CCDC14: variants seen among roughly 807,000 people sequenced by gnomAD.
CCDC14 encodes the protein coiled-coil domain containing 14.
CCDC14 carries 71 observed loss-of-function variants against 81.4 expected under a neutral mutation model. That is an observed-to-expected ratio of 0.87 (90% CI 0.72 to 1.06). The LOEUF is 1.06. CCDC14 is among the 50% of genes least tolerant of loss of function. The pLI is 0.00. For missense variants in CCDC14, 1,046 were observed against 1,047.3 expected (o/e 1.00, Z 0.02); for synonymous variants, 332 against 364.8 (o/e 0.91, Z 1.03).
intron 5 of CCDC14, among the ~76,000 whole-genome samples, chr3:123,904,376 G>A (rs1022694000): frequency 6.6e-6 from 1 of 152,132 alleles, no homozygotes; most frequent in Non-Finnish European, 1.5e-5. Context: ...TTACAGGTGT[G>A]TGGCTAGGGT....
chr3:123,956,616 T>C, intron 2 of CCDC14, 124 bp downstream of exon 2: 1 of 794,216 alleles, frequency 1.3e-6, no homozygotes, highest in Non-Finnish European at 2.0e-6. Flanking sequence ...CATGAAAAAT[T>C]GTTCCTCAGA....
At chr3:123,894,896 T>C (rs538017358), downstream of CCDC14, among the ~76,000 whole-genome samples, 1 of 152,248 alleles carries the variant, frequency 6.6e-6, no homozygotes, top group Admixed American at 6.5e-5. Flanking sequence ...GTTTCAAGAG[T>C]TAATGGGGGC....
chr3:123,928,122 T>G (rs560248422), intron 12 of CCDC14, among the ~76,000 whole-genome samples: 1 of 152,240 alleles, frequency 6.6e-6, no homozygotes, highest in African/African-American at 2.4e-5. Flanking sequence ...ATTTTTCTTA[T>G]GTTTTTGTTA....
the CCDC14 span, among the ~76,000 whole-genome samples, chr3:123,886,437 C>T: frequency 2.0e-5 from 3 of 148,418 alleles, no homozygotes; most frequent in African/African-American, 7.4e-5. Context: ...CTCACTCTGT[C>T]ACCAGGCTAG....
Position 123,916,468 on chromosome 3 carries a change from TTGTGTGTGTGTG to T in CCDC14, c.1779-762_1779-751del, listed in dbSNP as rs71142765. 3.1e-3 allele frequency among the ~76,000 whole-genome samples: 449 copies of T among 146,176 alleles called. 2 individuals carry two copies. The highest frequency in any genetic ancestry group is 0.011 in the African/African-American group (415 of 38,932). On this transcript the variant is annotated intron_variant, in intron 12 of 12. Coordinates refer to ENST00000409697, the MANE Select transcript of CCDC14 (RefSeq NM_001366335.1). ...TTATTTCCCTTCATTATATATGTGT[TTGTGTGTGTGTG>T]TGTGTGTGTGTGTGTGTGTGTGGCA...
intron 5 of CCDC14, among the ~76,000 whole-genome samples, chr3:123,906,014 T>G (rs944185377): frequency 6.6e-6 from 1 of 152,170 alleles, no homozygotes; most frequent in African/African-American, 2.4e-5. Context: ...TAGGGATAGC[T>G]GAAAAACCAA....
At chr3:123,904,117 A>G (rs1409435012) in intron 5 of CCDC14, among the ~76,000 whole-genome samples, 1 of 152,238 alleles carries the variant, frequency 6.6e-6, no homozygotes, top group Non-Finnish European at 1.5e-5. Context: ...ATAATTCCAT[A>G]TCATGGAATA....
downstream of CCDC14, among the ~76,000 whole-genome samples, chr3:123,897,027 A>T (rs1486454107): frequency 6.6e-6 from 1 of 152,172 alleles, no homozygotes; most frequent in African/African-American, 2.4e-5. Flanking sequence ...TCCCACCTGC[A>T]TTTAAGAGGA....
In CCDC14 at chr3:123,914,965, T is replaced by C; in HGVS notation, c.2532A>G (p.Gln844=). ...CATCACAGACAGTATTGCCTTTCAC[T>C]TGAAGGCTGTTGCTAAGACAACCTG... ...GPSGCLSNSL[Q]VKGNTVCDGS... is the part of the protein sequence containing the mutation. The change falls in exon 13 of 13, where the codon CAA becomes CAG. Residue 844 remains glutamine (Q), a synonymous_variant. Transcript: ENST00000409697. The C allele has an allele frequency of 1.2e-6, 2 of 1,614,046 alleles. No individual in the cohort carries two copies. The highest frequency in any genetic ancestry group is 1.7e-6 in the Non-Finnish European group (2 of 1,179,890).
At chr3:123,921,004 T>C (rs1444052723) in intron 12 of CCDC14, among the ~76,000 whole-genome samples, 1 of 152,188 alleles carries the variant, frequency 6.6e-6, no homozygotes, top group Non-Finnish European at 1.5e-5. Flanking sequence ...AAGTATAAGA[T>C]GTTTTATGTA....
downstream of CCDC14, among the ~76,000 whole-genome samples, chr3:123,894,386 G>A (rs892517089): frequency 6.6e-6 from 1 of 152,228 alleles, no homozygotes; most frequent in South Asian, 2.1e-4. Context: ...AAATCAGGAA[G>A]TATGAAACCT....
chr3:123,930,345 GA>G (rs1333170733), intron 12 of CCDC14, among the ~76,000 whole-genome samples: 5 of 152,138 alleles, frequency 3.3e-5, no homozygotes, highest in Admixed American at 2.0e-4. Flanking sequence ...TTATATTCAA[GA>G]TTATTTTATA....
chr3:123,947,675 C>G (rs1009838939), intron 7 of CCDC14, among the ~76,000 whole-genome samples: 3 of 152,026 alleles, frequency 2.0e-5, no homozygotes, highest in African/African-American at 7.2e-5. Flanking sequence ...TGTAAACAGT[C>G]TATTTTAGTC....
the CCDC14 span, among the ~76,000 whole-genome samples, chr3:123,888,488 T>A: frequency 2.0e-5 from 3 of 152,166 alleles, no homozygotes; most frequent in Non-Finnish European, 4.4e-5. Context: ...TGGCTCTTCT[T>A]TTTCTTTCAA....
At chr3:123,899,591 C>T (rs941838053) in intron 5 of CCDC14, among the ~76,000 whole-genome samples, 2 of 152,182 alleles carry the variant, frequency 1.3e-5, no homozygotes, top group Non-Finnish European at 2.9e-5. Context: ...ATGGGATTTC[C>T]TACCTATGCA....
In CCDC14 at chr3:123,947,209, A is replaced by G; in HGVS notation, c.795T>C (p.Cys265=). Residue 265 remains cysteine (C), a synonymous_variant, in exon 8 of 13, where the codon TGT becomes TGC. Transcript: ENST00000409697. Reference sequence around the variant, plus strand: ...CTGATATGTCAGTTTTGGGCAGGCTACATGGAACTCCAGGACTGGTATTAA... The same window carrying G: ...CTGATATGTCAGTTTTGGGCAGGCTGCATGGAACTCCAGGACTGGTATTAA... ...NSFNTSPGVP[C]SLPKTDISAI... The G allele has an allele frequency of 6.2e-7, 1 of 1,613,972 alleles. No homozygotes were observed. Among genetic ancestry groups the G allele is most frequent in the Non-Finnish European group, 8.5e-7 (1 of 1,179,862 alleles).
chr3:123,918,406 A>T (rs754529955), intron 12 of CCDC14, among the ~76,000 whole-genome samples: 7 of 152,162 alleles, frequency 4.6e-5, no homozygotes, highest in Non-Finnish European at 1.0e-4. Context: ...CTCCAGCAAG[A>T]TGGTGGAATA....
At chr3:123,912,045 T>C (rs1442512971), downstream of CCDC14, among the ~76,000 whole-genome samples, 1 of 152,242 alleles carries the variant, frequency 6.6e-6, no homozygotes, top group African/African-American at 2.4e-5. Flanking sequence ...TATCATCAGA[T>C]TCTACCTTTT....
At chr3:123,910,843 T>C (rs1170398907), downstream of CCDC14, among the ~76,000 whole-genome samples, 1 of 152,134 alleles carries the variant, frequency 6.6e-6, no homozygotes, top group Non-Finnish European at 1.5e-5. Flanking sequence ...ACAATAGTTA[T>C]TAAGTACAAA....
Sources: allele counts gnomAD v4.1 joint callset (sites outside exome capture counted in the v4.1 genomes callset), GRCh38; gene constraint gnomAD v4.1.1; transcripts MANE v1.5; gene names NCBI Gene and HGNC (gene_info 2026-07-23, HGNC 2026-07-21).